Variants in NUP155 observed in about 807,000 individuals in gnomAD.
NUP155 encodes the protein nucleoporin 155.
Under a neutral mutation model 180.4 loss-of-function variants are expected in NUP155, and 71 were observed. The ratio of observed to expected loss-of-function variants is 0.39; its 90% CI spans 0.33 to 0.48. The LOEUF is 0.48. NUP155 is among the 20% of genes least tolerant of loss of function. The probability of loss-of-function intolerance (pLI) is 0.91; values close to 1 mark genes in which losing one functional copy is unlikely to be tolerated. For missense variants in NUP155, 1,553 were observed against 1,648.9 expected, an observed-to-expected ratio of 0.94 and a Z score of 1.01; for synonymous variants, 582 against 559.5, an observed-to-expected ratio of 1.04 and a Z score of -0.57.
chr5:37,319,006 C>T (rs1460494447), intron 20 of NUP155, among the ~76,000 whole-genome samples: 1 of 152,110 alleles, frequency 6.6e-6, no homozygotes, highest in East Asian at 1.9e-4. Context: ...ATTCATTGGG[C>T]AATAAAAACG....
At chr5:37,306,044 AG>A (rs375771063) in intron 25 of NUP155, among the ~76,000 whole-genome samples, 109 of 152,338 alleles carry the variant, frequency 7.2e-4, no homozygotes, top group African/African-American at 2.3e-3. Context: ...AATAAGTTTG[AG>A]AAGTGTTTGG....
intron 10 of NUP155, chr5:37,342,299 G>C (rs1050510901): frequency 2.6e-6 from 1 of 384,666 alleles, no homozygotes; most frequent in Non-Finnish European, 4.8e-6. Flanking sequence ...TGCCTGCCTT[G>C]ATCTCCCAAA....
intron 6 of NUP155, 50 bp downstream of exon 6, chr5:37,351,140 C>T (rs1447662160): frequency 2.1e-6 from 3 of 1,400,014 alleles, no homozygotes; most frequent in Non-Finnish European, 3.0e-6. Flanking sequence ...GCTTATCTTT[C>T]CCTACTCCAT....
At position 37,347,637 on chromosome 5, in the gene NUP155, A is replaced by C. The variant is rs555184831; in HGVS notation, c.995+868T>G. Among the ~76,000 whole-genome samples, 9 of 149,698 alleles carry C rather than the reference A, an allele frequency of 6.0e-5. No individual in the cohort carries two copies. The East Asian group carries it at 1.8e-3, about 30-fold the overall frequency. Reference sequence around the variant, plus strand: ...CTTGAACCCGGGAGACAGAGGTTGCAGTGAGCCGAGACTGCACCATTGCAC... The same window carrying C: ...CTTGAACCCGGGAGACAGAGGTTGCCGTGAGCCGAGACTGCACCATTGCAC... On this transcript the variant is annotated intron_variant, in intron 9 of 34. Transcript: ENST00000231498.
At chr5:37,321,963 C>T (rs1298100727) in intron 20 of NUP155, among the ~76,000 whole-genome samples, 7 of 152,002 alleles carry the variant, frequency 4.6e-5, no homozygotes, top group Non-Finnish European at 7.4e-5. Context: ...TTAAGTGATT[C>T]GCCTGCCTCA....
At position 37,288,600 on chromosome 5, in the gene NUP155, T is replaced by G. The variant is rs56044954; in HGVS notation, c.*3300A>C. ...ATTATACATTGCCTACATATAATAGTCACTATAAAGAAATAATGGACAGGC... is the reference window on the plus strand; with the variant it reads ...ATTATACATTGCCTACATATAATAGGCACTATAAAGAAATAATGGACAGGC... On this transcript the variant is annotated 3_prime_UTR_variant, in exon 35 of 35. Transcript: ENST00000231498. 1.3e-5 allele frequency: 2 copies of G among 151,938 alleles called. No homozygotes were observed. The highest frequency in any genetic ancestry group is 2.9e-5 in the Non-Finnish European group (2 of 67,978). 9.4% of individuals were successfully genotyped at this position (151,938 alleles called of 1,614,324 possible). A position where few individuals can be genotyped will look rare whatever the true frequency, so the allele number is the denominator to read the frequency against.
Position 37,333,636 on chromosome 5 carries a change from A to G in NUP155, c.1348-3T>C, listed in dbSNP as rs1400345976. 5 of 1,611,352 alleles carry G rather than the reference A, an allele frequency of 3.1e-6. No individual in the cohort carries two copies. The highest frequency in any genetic ancestry group is 1.3e-5 in the African/African-American group (1 of 74,744). ...TGACCATCAACACCAGCTGTCATCT[A>G]TGTAAAAGAAATAAATGTTTTATAC... On this transcript the variant is annotated splice_polypyrimidine_tract_variant and splice_region_variant and intron_variant, in intron 12 of 34. Transcript: ENST00000231498.
chr5:37,333,340 C>T (rs531313224), intron 13 of NUP155, 123 bp downstream of exon 13: 74 of 879,846 alleles, frequency 8.4e-5, no homozygotes, highest in African/African-American at 6.5e-4. Context: ...GGGTGATGAG[C>T]GAGACTCCGT....
intron 3 of NUP155, among the ~76,000 whole-genome samples, chr5:37,362,971 G>C (rs1312118760): frequency 6.6e-6 from 1 of 152,168 alleles, no homozygotes; most frequent in Non-Finnish European, 1.5e-5. Context: ...GGAGTGCAGT[G>C]GCACTATCTC....
At chr5:37,326,594 T>C (rs1041831985) in intron 18 of NUP155, among the ~76,000 whole-genome samples, 1 of 152,194 alleles carries the variant, frequency 6.6e-6, no homozygotes. Flanking sequence ...AAATAATCTT[T>C]GGCTGGCCTG....
chr5:37,327,517 A>G, intron 18 of NUP155, 112 bp downstream of exon 18: 1 of 1,241,482 alleles, frequency 8.1e-7, no homozygotes, highest in Admixed American at 1.8e-5. Context: ...CAAGTGAGCT[A>G]AAACTAAAAT....
chr5:37,357,946 T>C, intron 4 of NUP155, 135 bp downstream of exon 4: 2 of 654,750 alleles, frequency 3.1e-6, no homozygotes, highest in South Asian at 1.5e-5. Flanking sequence ...TGAGCCAAGA[T>C]TGCGCCACTG....
At chr5:37,324,628 A>T (rs1238195147) in intron 19 of NUP155, among the ~76,000 whole-genome samples, 2 of 151,630 alleles carry the variant, frequency 1.3e-5, no homozygotes, top group East Asian at 3.9e-4. Flanking sequence ...ATCATATCTT[A>T]CTGCAGCCTT....
At position 37,352,828 on chromosome 5, in the gene NUP155, G is replaced by A. The variant is rs1404501200; in HGVS notation, c.465C>T (p.Gly155=). The part of the protein sequence containing the change: ...LAVGLVKPKA[G]IFQPHVRHLL... ...GGTGTCGCACATGAGGTTGAAAGAT[G>A]CCTAAGATAAAGTAGACACAGGGCA... Residue 155 remains glycine, a splice_region_variant and synonymous_variant, in exon 5 of 35, where the codon GGC becomes GGT. Transcript: ENST00000231498. 1 of 1,609,776 alleles carries A rather than the reference G, an allele frequency of 6.2e-7. No homozygotes were observed. Among genetic ancestry groups the A allele is most frequent in the East Asian group, 2.2e-5 (1 of 44,830 alleles).
intron 12 of NUP155, among the ~76,000 whole-genome samples, chr5:37,335,598 T>C (rs1295221075): frequency 6.6e-6 from 1 of 152,156 alleles, no homozygotes; most frequent in African/African-American, 2.4e-5. Flanking sequence ...TCTTAAATAC[T>C]TTTGCACATA....
At chr5:37,338,246 A>T (rs1745475291) in intron 11 of NUP155, among the ~76,000 whole-genome samples, 1 of 140,248 alleles carries the variant, frequency 7.1e-6, no homozygotes, top group Non-Finnish European at 1.5e-5. Context: ...TGAACGCAGG[A>T]GGTGGAGGTT....
Position 37,364,270 on chromosome 5 carries a change from G to T in NUP155, c.272C>A (p.Pro91His). ...ACGTCCAAACTGCTCAACAAGTTCA[G>T]GTGGGAGAGGAACTCTTCGGATGGA... ...ISSIRRVPLPPELVEQFGHMQ... is the reference protein window; with the variant it reads ...ISSIRRVPLPHELVEQFGHMQ... The change falls in exon 2 of 35, where the codon CCT (proline) becomes CAT (histidine). Residue 91 changes from proline (P) to histidine (H), a missense_variant. Pro to His is a moderately conservative substitution (Grantham distance 77). Coordinates refer to ENST00000231498, the MANE Select transcript of NUP155 (RefSeq NM_153485.3). 6.2e-7 allele frequency: 1 copy of T among 1,612,888 alleles called. No homozygotes were observed. Among genetic ancestry groups the T allele is most frequent in the Non-Finnish European group, 8.5e-7 (1 of 1,178,908 alleles).
intron 20 of NUP155, 59 bp downstream of exon 20, chr5:37,323,933 C>T (rs1439053638): frequency 1.6e-6 from 2 of 1,221,504 alleles, no homozygotes; most frequent in Non-Finnish European, 2.4e-6. Flanking sequence ...TGTAAATCAT[C>T]TCAACAAAAA....
intron 30 of NUP155, 33 bp downstream of exon 30, chr5:37,301,404 C>G (rs1742854065): frequency 7.1e-7 from 1 of 1,406,746 alleles, no homozygotes; most frequent in Non-Finnish European, 1.0e-6. Context: ...TATTAGGTAA[C>G]TACTATAAAA....
Sources: allele counts gnomAD v4.1 joint callset (sites outside exome capture counted in the v4.1 genomes callset), GRCh38; gene constraint gnomAD v4.1.1; transcripts MANE v1.5; gene names NCBI Gene and HGNC (gene_info 2026-07-23, HGNC 2026-07-21).